Variants in CNTN4 observed in about 807,000 individuals in gnomAD.
CNTN4 encodes contactin 4.
In CNTN4, 77 loss-of-function variants were observed where a neutral mutation model predicts 122.5. The ratio of observed to expected loss-of-function variants is 0.63; its 90% CI spans 0.52 to 0.76. CNTN4 has a LOEUF of 0.76. Ranked by LOEUF, CNTN4 falls within the 30% of genes least tolerant of loss-of-function variation. The pLI, the probability that CNTN4 is intolerant of heterozygous loss-of-function variation, is 0.00. For missense variants in CNTN4, 1,256 were observed against 1,259.1 expected (o/e 1.00, Z 0.04); for synonymous variants, 512 against 447.0 (o/e 1.15, Z -1.83).
chr3:2,745,676 G>A lies in CNTN4; in HGVS notation c.337G>A (p.Glu113Lys), dbSNP rs1163467369. The change falls in exon 6 of 25, where the codon GAA (glutamate) becomes AAA (lysine). Residue 113 changes from glutamate to lysine, a missense_variant. Transcript: ENST00000418658. ...CTCGTTTGGAACAATTGTTAGCAGA[G>A]AAGCAAAGCTTCAGTTTGCTTGTAA... ...TNSFGTIVSR[E>K]AKLQFAYLDN... 2 of 1,614,092 alleles carry A rather than the reference G, an allele frequency of 1.2e-6. No individual in the cohort carries two copies. The highest frequency in any genetic ancestry group is 1.3e-5 in the African/African-American group (1 of 75,030).
intron 3 of CNTN4, among the ~76,000 whole-genome samples, chr3:2,367,931 C>A (rs9876213): frequency 0.59 from 89,877 of 151,572 alleles, 28,278 homozygotes; most frequent in African/African-American, 0.83. Context: ...TTATTTTTCT[C>A]TTGAGCTTAC....
intron 8 of CNTN4, among the ~76,000 whole-genome samples, chr3:2,867,221 C>T (rs2093734249): frequency 1.3e-5 from 2 of 152,144 alleles, no homozygotes; most frequent in Admixed American, 1.3e-4. Context: ...GAAGGTATTT[C>T]TTGTTTCTCT....
At chr3:2,104,966 A>C (rs2032311200) in intron 2 of CNTN4, among the ~76,000 whole-genome samples, 4 of 152,144 alleles carry the variant, frequency 2.6e-5, no homozygotes, top group African/African-American at 9.7e-5. Flanking sequence ...TCCGTTTCCC[A>C]TTTAAGGATT....
chr3:2,605,638 G>A (rs2149782797), intron 4 of CNTN4, among the ~76,000 whole-genome samples: 1 of 152,272 alleles, frequency 6.6e-6, no homozygotes. Flanking sequence ...GAGATTGGGA[G>A]ACATGCCAGA....
intron 3 of CNTN4, among the ~76,000 whole-genome samples, chr3:2,410,080 C>T (rs567282183): frequency 1.2e-3 from 180 of 152,274 alleles, no homozygotes; most frequent in African/African-American, 4.1e-3. Flanking sequence ...ATTAACTTAG[C>T]ACATGCTGGT....
At chr3:2,269,658 C>T (rs1329010037) in intron 2 of CNTN4, among the ~76,000 whole-genome samples, 1 of 152,016 alleles carries the variant, frequency 6.6e-6, no homozygotes, top group Non-Finnish European at 1.5e-5. Context: ...CTTTCTTTGT[C>T]AGGGTTCTGA....
At chr3:3,031,998 T>A (rs534983945) in intron 16 of CNTN4, among the ~76,000 whole-genome samples, 2 of 152,074 alleles carry the variant, frequency 1.3e-5, no homozygotes, top group African/African-American at 4.8e-5. Flanking sequence ...CTAGGCATAA[T>A]GTAAGGGGGG....
intron 6 of CNTN4, among the ~76,000 whole-genome samples, chr3:2,806,027 G>A (rs1231584670): frequency 5.3e-5 from 8 of 152,018 alleles, no homozygotes; most frequent in Admixed American, 6.5e-5. Context: ...TCAGCCTCCC[G>A]AGTAGCTGGG....
intron 12 of CNTN4, among the ~76,000 whole-genome samples, chr3:2,910,239 C>A (rs7630376): frequency 6.6e-6 from 1 of 152,148 alleles, no homozygotes. Context: ...ATGATCATCC[C>A]TTACATCAAT....
chr3:2,740,663 T>TAGTC (rs2089408321), intron 5 of CNTN4, among the ~76,000 whole-genome samples: 12 of 151,758 alleles, frequency 7.9e-5, no homozygotes, highest in Admixed American at 7.9e-4. Context: ...ATGAAAAACT[T>TAGTC]TAACAACTAC....
chr3:2,360,768 G>A (rs1211956735), intron 3 of CNTN4, among the ~76,000 whole-genome samples: 2 of 152,116 alleles, frequency 1.3e-5, no homozygotes, highest in Non-Finnish European at 2.9e-5. Context: ...ACAGCATGGG[G>A]AAAACCACCC....
At chr3:2,187,154 T>A (rs555691581) in intron 2 of CNTN4, among the ~76,000 whole-genome samples, 95 of 152,226 alleles carry the variant, frequency 6.2e-4, no homozygotes, top group African/African-American at 2.0e-3. Context: ...ATGGCTAGCC[T>A]GTTTTCCCAG....
chr3:3,054,563 T>A (rs1236220286), intron 24 of CNTN4, among the ~76,000 whole-genome samples: 1 of 152,240 alleles, frequency 6.6e-6, no homozygotes, highest in Admixed American at 6.5e-5. Context: ...TTTTTACAAA[T>A]ACCATGTTTG....
At chr3:2,752,144 T>G (rs949656025) in intron 6 of CNTN4, among the ~76,000 whole-genome samples, 2 of 152,206 alleles carry the variant, frequency 1.3e-5, no homozygotes, top group African/African-American at 4.8e-5. Flanking sequence ...CCTGTCTTTT[T>G]AAAATAACTA....
chr3:2,675,694 A>T (rs1489478236), intron 4 of CNTN4, among the ~76,000 whole-genome samples: 1 of 152,144 alleles, frequency 6.6e-6, no homozygotes, highest in South Asian at 2.1e-4. Flanking sequence ...CTGAATAATG[A>T]CTCAAAATAA....
intron 3 of CNTN4, among the ~76,000 whole-genome samples, chr3:2,388,190 T>C (rs1318339853): frequency 2.6e-5 from 4 of 152,226 alleles, no homozygotes; most frequent in Non-Finnish European, 1.5e-5. Flanking sequence ...AAACTATTTC[T>C]GATGAGCTGT....
At chr3:2,580,037 A>ATGTG (rs5846194) in intron 4 of CNTN4, among the ~76,000 whole-genome samples, 34 of 150,114 alleles carry the variant, frequency 2.3e-4, no homozygotes, top group Middle Eastern at 3.4e-3. Flanking sequence ...TTAAGCTTGT[A>ATGTG]TGTGTGTGTG....
chr3:2,887,207 G>C lies in CNTN4; in HGVS notation c.923G>C (p.Gly308Ala), dbSNP rs773197567. 35 of 1,613,268 alleles carry C rather than the reference G, an allele frequency of 2.2e-5. No individual in the cohort carries two copies. Among genetic ancestry groups the C allele is most frequent in the Non-Finnish European group, 2.5e-5 (29 of 1,179,942 alleles). ...ENSRGKNVAR[G>A]QLTFYAQPNW... ...TCCAGAGGGAAAAATGTAGCAAGGG[G>C]ACAGCTAACTTTCTATGGTAAGTGT... is the stretch of plus-strand genomic sequence containing the variant. The change falls in exon 10 of 25, where the codon GGA becomes GCA. Residue 308 changes from glycine (G) to alanine (A), a missense_variant. Physicochemically the swap from Gly to Ala is moderately conservative, Grantham distance 60. Coordinates refer to ENST00000418658, the MANE Select transcript of CNTN4 (RefSeq NM_175607.3).
chr3:3,028,088 C>T (rs911546926), intron 15 of CNTN4, among the ~76,000 whole-genome samples: 4 of 152,078 alleles, frequency 2.6e-5, no homozygotes, highest in Non-Finnish European at 4.4e-5. Flanking sequence ...GATAAGCAAG[C>T]GCAATTTTGA....
Sources: gnomAD v4.1 joint callset for allele counts (sites outside exome capture counted in the v4.1 genomes callset) on GRCh38, gnomAD v4.1.1 for gene constraint, MANE v1.5 for transcripts, NCBI Gene and HGNC (gene_info 2026-07-23, HGNC 2026-07-21) for gene names.